Variants in GABPB2 observed in about 807,000 individuals in gnomAD.
GABPB2 encodes GA-binding protein subunit beta-2.
In GABPB2, 23 loss-of-function variants were observed where a neutral mutation model predicts 39.1. The ratio of observed to expected loss-of-function variants is 0.59; its 90% CI spans 0.42 to 0.83. The LOEUF (loss-of-function observed/expected upper bound fraction) is 0.83. GABPB2 is among the 40% of genes least tolerant of loss of function. GABPB2 has a pLI of 0.00. For missense variants in GABPB2, 467 were observed against 541.1 expected, an observed-to-expected ratio of 0.86 and a Z score of 1.36; for synonymous variants, 184 against 199.3, an observed-to-expected ratio of 0.92 and a Z score of 0.65.
chr1:151,106,441 G>T lies in GABPB2; in HGVS notation c.737-596G>T, dbSNP rs112301933. 4.4e-3 allele frequency among the ~76,000 whole-genome samples: 669 copies of T among 152,160 alleles called. 9 individuals carry two copies. The highest frequency in any genetic ancestry group is 0.015 in the African/African-American group (638 of 41,498). On this transcript the variant is annotated intron_variant, in intron 6 of 8. Transcript: ENST00000368918. ...CAACCTCTGCCTCCCAGGCTCAAGCGATTCTCGTGCCTCAGCCTCCAAAGT... is the reference window on the plus strand; with the variant it reads ...CAACCTCTGCCTCCCAGGCTCAAGCTATTCTCGTGCCTCAGCCTCCAAAGT...
chr1:151,084,537 T>G (rs1036291435), intron 1 of GABPB2, among the ~76,000 whole-genome samples: 14 of 144,448 alleles, frequency 9.7e-5, no homozygotes, highest in South Asian at 2.3e-4. Flanking sequence ...TAGCTGTTTT[T>G]TTTTTTTTTT....
chr1:151,077,993 G>A (rs746436732), intron 1 of GABPB2, among the ~76,000 whole-genome samples: 3 of 145,248 alleles, frequency 2.1e-5, no homozygotes, highest in Non-Finnish European at 4.5e-5. Context: ...AATAAAGGCC[G>A]GGCACGGTGG....
At chr1:151,108,062 C>T (rs1452551903) in intron 7 of GABPB2, among the ~76,000 whole-genome samples, 1 of 152,174 alleles carries the variant, frequency 6.6e-6, no homozygotes, top group African/African-American at 2.4e-5. Context: ...GAAACAAGCA[C>T]TCTTATAAAT....
intron 1 of GABPB2, among the ~76,000 whole-genome samples, chr1:151,079,872 C>T (rs897359463): frequency 1.6e-4 from 24 of 149,692 alleles, no homozygotes; most frequent in African/African-American, 5.7e-4. Context: ...CTCTAGCCTG[C>T]GTAACGAGCA....
intron 4 of GABPB2, among the ~76,000 whole-genome samples, 188 bp downstream of exon 4, chr1:151,093,574 A>G (rs904539744): frequency 8.0e-5 from 12 of 150,674 alleles, no homozygotes; most frequent in African/African-American, 2.9e-4. Context: ...ATTTGTGTGT[A>G]TATATGTATA....
chr1:151,097,021 C>T (rs1679144081), intron 4 of GABPB2, among the ~76,000 whole-genome samples: 1 of 152,100 alleles, frequency 6.6e-6, no homozygotes, highest in South Asian at 2.1e-4. Context: ...AAGCAATTCT[C>T]CTGCCTCAGC....
intron 6 of GABPB2, 91 bp from the exon 7 acceptor site, chr1:151,106,946 C>A: frequency 2.5e-6 from 2 of 793,150 alleles, no homozygotes; most frequent in East Asian, 2.9e-5. Context: ...GTTCCTCTCC[C>A]TGAATGTTGT....
chr1:151,107,163 C>A lies in GABPB2; in HGVS notation c.863C>A (p.Ser288Ter), dbSNP rs1388225497. Residue 288 changes from serine (S) to a stop codon, truncating the protein, a stop_gained, in exon 7 of 9, where the codon TCA becomes TAA. Transcript: ENST00000368918. LOFTEE classifies it high-confidence loss of function. The stretch of plus-strand genomic sequence containing the variant: ...GTCCCTCTGGGTAATATCCAAACTT[C>A]AATCCCTACTGGAGGCATTGGCCAG... ...DGVPLGNIQTSIPTGGIGQPF... is the reference protein window; with the variant it reads ...DGVPLGNIQT 1.2e-6 allele frequency: 2 copies of A among 1,612,798 alleles called. No individual in the cohort carries two copies. The highest frequency in any genetic ancestry group is 2.2e-5 in the East Asian group (1 of 44,826).
At chr1:151,113,565 C>T (rs773488973) in intron 7 of GABPB2, among the ~76,000 whole-genome samples, 16 of 150,782 alleles carry the variant, frequency 1.1e-4, no homozygotes, top group Admixed American at 2.0e-4. Context: ...TATCCTAAAA[C>T]GTAAATATAA....
At chr1:151,116,784 T>C (rs1186811340) in intron 7 of GABPB2, among the ~76,000 whole-genome samples, 3 of 151,642 alleles carry the variant, frequency 2.0e-5, no homozygotes, top group Non-Finnish European at 4.4e-5. Context: ...ATTTTTTGTA[T>C]TTTTTTTGCG....
At chr1:151,072,092 T>G (rs1328986607) in intron 1 of GABPB2, among the ~76,000 whole-genome samples, 1 of 152,256 alleles carries the variant, frequency 6.6e-6, no homozygotes, top group Non-Finnish European at 1.5e-5. Context: ...AGAGATGTTC[T>G]TAGGCATGTA....
intron 1 of GABPB2, among the ~76,000 whole-genome samples, chr1:151,078,624 C>G (rs901726384): frequency 3.3e-5 from 5 of 151,826 alleles, no homozygotes; most frequent in Admixed American, 3.3e-4. Flanking sequence ...ATTCATTTTA[C>G]TTTTTCTTTT....
At chr1:151,101,987 A>G (rs751065031) in intron 5 of GABPB2, among the ~76,000 whole-genome samples, 4 of 152,184 alleles carry the variant, frequency 2.6e-5, no homozygotes, top group Non-Finnish European at 4.4e-5. Context: ...AGAATAGCAC[A>G]CAGATATAAG....
In GABPB2 at chr1:151,090,502, A is replaced by G. The variant is rs767459865; in HGVS notation, c.205A>G (p.Lys69Glu). 4.5e-5 allele frequency: 73 copies of G among 1,614,042 alleles called. No individual in the cohort carries two copies. The highest frequency in any genetic ancestry group is 5.9e-5 in the Non-Finnish European group (70 of 1,180,002). The change falls in exon 3 of 9, where the codon AAA becomes GAA. Residue 69 changes from lysine to glutamate, a missense_variant. Coordinates refer to ENST00000368918, the MANE Select transcript of GABPB2 (RefSeq NM_144618.3). The stretch of plus-strand genomic sequence containing the variant: ...AGGTGTTAGCAGGGATGCCCGGACT[A>G]AAGTAGACAGGACCCCCTTGCACAT... Reference protein sequence around the residue: ...RAGVSRDARTKVDRTPLHMAA... With the variant: ...RAGVSRDARTEVDRTPLHMAA...
In GABPB2 at chr1:151,104,714, T is replaced by TA. The variant is rs587642826; in HGVS notation, c.736+1039_736+1040insA. On this transcript the variant is annotated intron_variant, in intron 6 of 8. Transcript: ENST00000368918. ...TTGAACTACCTAGATGTGTTGCATA[T>TA]GGATGGTTGATACCCCACTTATTAC... Among the ~76,000 whole-genome samples, 115 of 152,304 alleles carry TA rather than the reference T, an allele frequency of 7.6e-4. 3 individuals are homozygous for TA. In the South Asian group the frequency reaches 0.022, roughly 30 times the overall value.
intron 3 of GABPB2, among the ~76,000 whole-genome samples, chr1:151,092,593 G>GT (rs370294993): frequency 0.78 from 111,366 of 142,334 alleles, 43,627 homozygotes; most frequent in East Asian, 0.91. Context: ...AATGGTTTTT[G>GT]TTTTTTTTTT....
chr1:151,111,239 T>G (rs1402294363), intron 7 of GABPB2, among the ~76,000 whole-genome samples: 1 of 150,810 alleles, frequency 6.6e-6, no homozygotes, highest in Admixed American at 6.6e-5. Flanking sequence ...CTCCCGAAAT[T>G]TTTTTTTTCT....
chr1:151,104,390 G>A (rs1283077116), intron 6 of GABPB2, among the ~76,000 whole-genome samples: 1 of 152,136 alleles, frequency 6.6e-6, no homozygotes, highest in African/African-American at 2.4e-5. Flanking sequence ...TTTCTGCCAT[G>A]ACATTTGGGT....
intron 1 of GABPB2, among the ~76,000 whole-genome samples, chr1:151,078,680 C>G (rs1461988186): frequency 6.6e-6 from 1 of 152,016 alleles, no homozygotes. Flanking sequence ...CGCTCTGTTA[C>G]CCAGGCTGGA....
Sources: allele counts gnomAD v4.1 joint callset (sites outside exome capture counted in the v4.1 genomes callset), GRCh38; gene constraint gnomAD v4.1.1; transcripts MANE v1.5; gene names NCBI Gene and HGNC (gene_info 2026-07-23, HGNC 2026-07-21).